The following LPL variants were observed in gnomAD, a reference collection of about 807,000 sequenced individuals.
LPL encodes the protein lipoprotein lipase, also known as phospholipase A1.
In LPL, 43 loss-of-function variants were observed where a neutral mutation model predicts 52.2. That is an observed-to-expected ratio of 0.82 (90% CI 0.64 to 1.06). The LOEUF (loss-of-function observed/expected upper bound fraction) is 1.06. Ranked by LOEUF, LPL falls within the 50% of genes least tolerant of loss-of-function variation. The pLI is 0.00. For synonymous variants in LPL, 244 were observed against 215.6 expected (o/e 1.13, Z -1.15); for missense variants, 639 against 585.3 (o/e 1.09, Z -0.95).
At chr8:19,962,276 C>CTGCCTCCCTT in intron 9 of LPL, 57 bp downstream of exon 9, 2 of 1,263,722 alleles carry the variant, frequency 1.6e-6, no homozygotes, top group Non-Finnish European at 2.3e-6. Context: ...CTAAGGGAGG[C>CTGCCTCCCTT]AGCTTCATGC....
intron 1 of LPL, among the ~76,000 whole-genome samples, chr8:19,945,181 A>G (rs1357894873): frequency 3.3e-5 from 5 of 152,206 alleles, no homozygotes; most frequent in African/African-American, 1.2e-4. Context: ...CTGCTGCCCA[A>G]TAGCAATCAC....
chr8:19,952,675 C>G (rs989358039), intron 3 of LPL, among the ~76,000 whole-genome samples: 2 of 151,952 alleles, frequency 1.3e-5, no homozygotes, highest in African/African-American at 4.8e-5. Context: ...TTTTTGCTGA[C>G]CAGGCAAATG....
chr8:19,944,891 C>T lies in LPL; in HGVS notation c.89-3289C>T, dbSNP rs10104051. ...AAGGGCTTAATATGGACATTTCTGA[C>T]GAGGCCTGATGGGCAGGTGGTACGG... On this transcript the variant is annotated intron_variant, in intron 1 of 9. Transcript: ENST00000650287. This position sits in a 1 kb window ranked among gnomAD's most constrained non-coding sequence, Gnocchi z 4.2. Among the ~76,000 whole-genome samples the T allele has an allele frequency of 0.52, 78,906 of 152,054 alleles. 23,646 individuals carry two copies. Among genetic ancestry groups the T allele is most frequent in the African/African-American group, 0.83 (34,440 of 41,490 alleles).
chr8:19,965,767 AAT>A lies in LPL; in HGVS notation c.*458_*459del. 1 of 158,300 alleles carries A rather than the reference AAT, an allele frequency of 6.3e-6. No individual in the cohort carries two copies. Among genetic ancestry groups the A allele is most frequent in the Non-Finnish European group, 1.4e-5 (1 of 72,032 alleles). The allele number at this position is 158,300 out of a possible 1,614,324, so 9.8% of individuals were successfully genotyped here. ...ACAGAAAATGCTTTTCCGCGGCACG[AAT>A]CAGACTCATCTACACAGCAGTATGA... On this transcript the variant is annotated 3_prime_UTR_variant, in exon 10 of 10. Coordinates refer to ENST00000650287, the MANE Select transcript of LPL (RefSeq NM_000237.3).
intron 6 of LPL, 70 bp downstream of exon 6, chr8:19,956,153 T>A: frequency 6.3e-7 from 1 of 1,596,306 alleles, no homozygotes; most frequent in South Asian, 1.1e-5. Flanking sequence ...GCATCACATG[T>A]ACTGATTCTG....
At chr8:19,959,126 C>T (rs375558504) in intron 6 of LPL, 134 bp from the exon 7 acceptor site, 1 of 1,022,378 alleles carries the variant, frequency 9.8e-7, no homozygotes, top group Non-Finnish European at 1.5e-6. Flanking sequence ...CAAGCCACAC[C>T]AGTGGTTCCA....
Position 19,950,031 on chromosome 8 carries a change from C to T in LPL, c.249+1691C>T. On this transcript the variant is annotated intron_variant, in intron 2 of 9. Transcript: ENST00000650287. The surrounding 1 kb of genome is among the most constrained non-coding windows in gnomAD (Gnocchi z 4.2). ...ACGGTGCCACTTCCTATCATTGGTC[C>T]TACTGCCTCACTAAGCCCACCTGTA... 6.6e-6 allele frequency among the ~76,000 whole-genome samples: 1 copy of T among 152,194 alleles called. No homozygotes were observed. Among genetic ancestry groups the T allele is most frequent in the East Asian group, 1.9e-4 (1 of 5,190 alleles).
Position 19,956,014 on chromosome 8 carries a change from A to T in LPL, c.949A>T (p.Ile317Phe), listed in dbSNP as rs1410146792. 6.2e-7 allele frequency: 1 copy of T among 1,614,194 alleles called. No individual in the cohort carries two copies. Among genetic ancestry groups the T allele is most frequent in the Non-Finnish European group, 8.5e-7 (1 of 1,180,032 alleles). The change falls in exon 6 of 10, where the codon ATC (isoleucine) becomes TTC (phenylalanine). Residue 317 changes from isoleucine (I) to phenylalanine (F), a missense_variant. Physicochemically the swap from Ile to Phe is conservative, Grantham distance 21. Transcript: ENST00000650287. ...CCGCTGCAACAATCTGGGCTATGAGATCAATAAAGTCAGAGCCAAAAGAAG... is the reference window on the plus strand; with the variant it reads ...CCGCTGCAACAATCTGGGCTATGAGTTCAATAAAGTCAGAGCCAAAAGAAG... ...KNRCNNLGYE[I>F]NKVRAKRSSK...
At chr8:19,960,283 A>G (rs1456322361) in intron 7 of LPL, among the ~76,000 whole-genome samples, 2 of 152,200 alleles carry the variant, frequency 1.3e-5, no homozygotes, top group African/African-American at 4.8e-5. Context: ...CATAGCTACA[A>G]AATATTATTA....
At chr8:19,955,176 T>C (rs1171606945) in intron 5 of LPL, among the ~76,000 whole-genome samples, 1 of 152,244 alleles carries the variant, frequency 6.6e-6, no homozygotes, top group Non-Finnish European at 1.5e-5. Flanking sequence ...TATTTCTATG[T>C]TCATTTGATA....
chr8:19,943,778 C>T (rs1332013504), intron 1 of LPL, among the ~76,000 whole-genome samples: 3 of 152,028 alleles, frequency 2.0e-5, no homozygotes. Context: ...ATTTTTTAAC[C>T]CCTCTTTTTC....
chr8:19,958,783 C>A (rs2070010232), intron 6 of LPL, among the ~76,000 whole-genome samples: 1 of 152,120 alleles, frequency 6.6e-6, no homozygotes, highest in East Asian at 1.9e-4. Flanking sequence ...TGACCGGAAG[C>A]CCGCTTACAG....
chr8:19,942,130 G>A (rs1534649), intron 1 of LPL, among the ~76,000 whole-genome samples: 2 of 152,002 alleles, frequency 1.3e-5, no homozygotes, highest in African/African-American at 2.4e-5. Context: ...GGGGAAGAGC[G>A]GCGATGGAAA....
At chr8:19,951,988 G>A in intron 3 of LPL, 40 bp downstream of exon 3, 2 of 1,609,144 alleles carry the variant, frequency 1.2e-6, no homozygotes, top group South Asian at 2.2e-5. Context: ...CCAAAACAGT[G>A]TTTTTGACTG....
intron 2 of LPL, among the ~76,000 whole-genome samples, chr8:19,948,722 T>C (rs1411497287): frequency 6.6e-6 from 1 of 152,088 alleles, no homozygotes; most frequent in Non-Finnish European, 1.5e-5. Flanking sequence ...GAAGACAGCA[T>C]GGAAGAGTGA....
chr8:19,962,544 T>A (rs1196502906), intron 9 of LPL, among the ~76,000 whole-genome samples: 1 of 152,236 alleles, frequency 6.6e-6, no homozygotes, highest in Non-Finnish European at 1.5e-5. Context: ...CTGCTGACTT[T>A]GCAGATGCCA....
rs1315035318 is a variant in LPL, at chr8:19,944,659, T to A, written c.89-3521T>A. Among the ~76,000 whole-genome samples the A allele has an allele frequency of 6.6e-6, 1 of 152,160 alleles. No homozygotes were observed. Among genetic ancestry groups the A allele is most frequent in the Non-Finnish European group, 1.5e-5 (1 of 68,022 alleles). ...TTCTAGCAACAAGAATTACCACTCT[T>A]CCCCTCTATACATTTATCTTTCTCT... On this transcript the variant is annotated intron_variant, in intron 1 of 9. Coordinates refer to ENST00000650287, the MANE Select transcript of LPL (RefSeq NM_000237.3). The surrounding 1 kb of genome is among the most constrained non-coding windows in gnomAD (Gnocchi z 4.2).
In LPL at chr8:19,948,265, C is replaced by G. The variant is rs372554872; in HGVS notation, c.174C>G (p.Pro58=). Residue 58 remains proline (P), a synonymous_variant, in exon 2 of 10, where the codon CCC becomes CCG. Transcript: ENST00000650287. ...DTAEDTCHLI[P]GVAESVATCH... ...CTGAGGACACTTGCCACCTCATTCC[C>G]GGAGTAGCAGAGTCCGTGGCTACCT... The G allele has an allele frequency of 1.2e-6, 2 of 1,614,070 alleles. No homozygotes were observed. Among genetic ancestry groups the G allele is most frequent in the South Asian group, 1.1e-5 (1 of 91,080 alleles).
chr8:19,948,266 G>C lies in LPL; in HGVS notation c.175G>C (p.Gly59Arg). 2 of 1,614,056 alleles carry C rather than the reference G, an allele frequency of 1.2e-6. No individual in the cohort carries two copies. The highest frequency in any genetic ancestry group is 1.7e-6 in the Non-Finnish European group (2 of 1,179,992). Residue 59 changes from glycine to arginine, a missense_variant, in exon 2 of 10, where the codon GGA (glycine) becomes CGA (arginine). Coordinates refer to ENST00000650287, the MANE Select transcript of LPL (RefSeq NM_000237.3). ...TAEDTCHLIP[G>R]VAESVATCHF... is the part of the protein sequence containing the mutation. ...TGAGGACACTTGCCACCTCATTCCCGGAGTAGCAGAGTCCGTGGCTACCTG... is the reference window on the plus strand; with the variant it reads ...TGAGGACACTTGCCACCTCATTCCCCGAGTAGCAGAGTCCGTGGCTACCTG...
Sources: allele counts gnomAD v4.1 joint callset (sites outside exome capture counted in the v4.1 genomes callset), GRCh38; gene constraint gnomAD v4.1.1; non-coding constraint Gnocchi (gnomAD v3.1); transcripts MANE v1.5; gene names NCBI Gene and HGNC (gene_info 2026-07-23, HGNC 2026-07-21).